USP50: variants seen among roughly 807,000 people sequenced by gnomAD.
The protein encoded by USP50 is ubiquitin carboxyl-terminal hydrolase 50.
USP50 carries 37 observed loss-of-function variants against 39.2 expected under a neutral mutation model. The ratio of observed to expected loss-of-function variants is 0.94; its 90% CI spans 0.73 to 1.24. The LOEUF is 1.24. Among genes scored for constraint, USP50 ranks in the 50% most tolerant of loss-of-function variants. The probability of loss-of-function intolerance (pLI) is 0.00; values close to 1 mark genes in which losing one functional copy is unlikely to be tolerated. For synonymous variants in USP50, 139 were observed against 144.5 expected, an observed-to-expected ratio of 0.96 and a Z score of 0.27; for missense variants, 374 against 398.2, an observed-to-expected ratio of 0.94 and a Z score of 0.52.
At chr15:50,497,188 G>A, downstream of USP50, 1 of 1,611,030 alleles carries the variant, frequency 6.2e-7, no homozygotes, top group Non-Finnish European at 8.5e-7. Context: ...AAAAAAGATA[G>A]AAATCTGGAA....
chr15:50,540,018 G>A (rs2053016059), intron 4 of USP50, among the ~76,000 whole-genome samples: 1 of 152,184 alleles, frequency 6.6e-6, no homozygotes. Context: ...TTTGAGCTGA[G>A]AAACAAAGCC....
chr15:50,526,293 C>T (rs2052898167), intron 6 of USP50, among the ~76,000 whole-genome samples: 2 of 152,162 alleles, frequency 1.3e-5, no homozygotes, highest in South Asian at 4.1e-4. Context: ...CTCTTGAGCT[C>T]AAGCAATCCT....
chr15:50,529,535 C>A (rs1358462531), intron 6 of USP50, among the ~76,000 whole-genome samples: 1 of 152,078 alleles, frequency 6.6e-6, no homozygotes, highest in Admixed American at 6.6e-5. Flanking sequence ...GCTGCTGCTG[C>A]TTCTAGGAGC....
chr15:50,546,219 T>C (rs1057054361), intron 1 of USP50, among the ~76,000 whole-genome samples: 1 of 152,150 alleles, frequency 6.6e-6, no homozygotes. Flanking sequence ...GTTTGAAAAG[T>C]GTTCACTGTT....
At chr15:50,531,126 G>A (rs974313391) in intron 5 of USP50, among the ~76,000 whole-genome samples, 9 of 151,986 alleles carry the variant, frequency 5.9e-5, no homozygotes, top group Admixed American at 1.3e-4. Context: ...AAATTACCGC[G>A]ACTGAGACAT....
At chr15:50,546,338 C>A in intron 1 of USP50, 135 bp downstream of exon 1, 1 of 847,124 alleles carries the variant, frequency 1.2e-6, no homozygotes, top group Non-Finnish European at 1.9e-6. Context: ...TACAATCTTC[C>A]TTCCTTTCCG....
chr15:50,526,578 T>C (rs1404429151), intron 6 of USP50, among the ~76,000 whole-genome samples: 3 of 152,248 alleles, frequency 2.0e-5, no homozygotes, highest in African/African-American at 7.2e-5. Context: ...TGCTAATGCA[T>C]ATGTACAAGC....
At chr15:50,528,568 G>A (rs887811095) in intron 6 of USP50, among the ~76,000 whole-genome samples, 7 of 152,138 alleles carry the variant, frequency 4.6e-5, no homozygotes, top group African/African-American at 1.7e-4. Flanking sequence ...CACTGTTCGG[G>A]AATCTACATT....
chr15:50,497,312 C>G, downstream of USP50: 1 of 1,495,492 alleles, frequency 6.7e-7, no homozygotes, highest in Non-Finnish European at 8.9e-7. Context: ...ACTTGTTGTA[C>G]TGCCTGCCAT....
chr15:50,544,559 G>T, intron 2 of USP50, 28 bp downstream of exon 2: 3 of 1,594,604 alleles, frequency 1.9e-6, no homozygotes, highest in Non-Finnish European at 2.6e-6. Flanking sequence ...GGTGGGGGCT[G>T]GGCTGCAGGG....
intron 3 of USP50, 50 bp downstream of exon 3, chr15:50,543,548 C>T (rs1166388695): frequency 6.6e-7 from 1 of 1,525,866 alleles, no homozygotes; most frequent in Non-Finnish European, 9.0e-7. Flanking sequence ...ATGGAAGCTG[C>T]TGATAAAGGT....
At chr15:50,496,900 A>T (rs1566893730), downstream of USP50, 2 of 648,698 alleles carry the variant, frequency 3.1e-6, no homozygotes, top group South Asian at 2.4e-5. Context: ...CACTCACCAC[A>T]CTCTGTGCTG....
rs60459520 is a variant in USP50, at chr15:50,532,679, G to C, written c.804-2750C>G. 1.5e-3 allele frequency among the ~76,000 whole-genome samples: 223 copies of C among 152,188 alleles called. 2 individuals carry two copies. The highest frequency in any genetic ancestry group is 5.0e-3 in the African/African-American group (208 of 41,532). Reference sequence around the variant, plus strand: ...CAGAACCAGATAGCGCAGGGGTGTGGGAATTTTCAGACTAAGAATTTAAAA... The same window carrying C: ...CAGAACCAGATAGCGCAGGGGTGTGCGAATTTTCAGACTAAGAATTTAAAA... On this transcript the variant is annotated intron_variant, in intron 5 of 6. Transcript: ENST00000532404.
intron 1 of USP50, chr15:50,494,328 C>T (rs367980833): frequency 1.5e-5 from 23 of 1,490,744 alleles, no homozygotes; most frequent in Admixed American, 2.3e-5. Context: ...TAGGGTTGCT[C>T]AGTAGCACTG....
intron 3 of USP50, 49 bp downstream of exon 3, chr15:50,543,549 T>A (rs749031308): frequency 2.0e-6 from 3 of 1,531,746 alleles, no homozygotes; most frequent in East Asian, 4.6e-5. Context: ...TGGAAGCTGC[T>A]GATAAAGGTT....
intron 5 of USP50, among the ~76,000 whole-genome samples, chr15:50,534,228 T>C (rs2052963205): frequency 6.6e-6 from 1 of 152,204 alleles, no homozygotes; most frequent in Admixed American, 6.5e-5. Context: ...TCTTTATATA[T>C]AAGTGAAATG....
chr15:50,500,668 A>G lies in USP50; in HGVS notation c.*101T>C, dbSNP rs546764284. ...TTTTCCTGGCTCTTAACGCTTTTGTATTGGTATGGAAAAGGGCTGGCAGCT... is the reference window on the plus strand; with the variant it reads ...TTTTCCTGGCTCTTAACGCTTTTGTGTTGGTATGGAAAAGGGCTGGCAGCT... On this transcript the variant is annotated 3_prime_UTR_variant, in exon 7 of 7. Coordinates refer to ENST00000532404, the MANE Select transcript of USP50 (RefSeq NM_203494.5). 7.8e-6 allele frequency: 9 copies of G among 1,147,690 alleles called. No individual in the cohort carries two copies. The South Asian group carries it at 1.2e-4, about 15-fold the overall frequency. The allele number at this position is 1,147,690 out of a possible 1,614,324, so 71.1% of individuals were successfully genotyped here.
intron 4 of USP50, among the ~76,000 whole-genome samples, chr15:50,539,423 A>C (rs1407669110): frequency 8.1e-5 from 8 of 98,754 alleles, no homozygotes; most frequent in Non-Finnish European, 1.5e-4. Context: ...CTGATTTTGC[A>C]ATTTTTTTTT....
At chr15:50,493,593 A>AAAT (rs2052261957), downstream of USP50, 1 of 461,242 alleles carries the variant, frequency 2.2e-6, no homozygotes, top group Non-Finnish European at 4.3e-6. Flanking sequence ...GTCTCTACAA[A>AAAT]AATTAGCTAG....
Sources: allele counts gnomAD v4.1 joint callset (sites outside exome capture counted in the v4.1 genomes callset), GRCh38; gene constraint gnomAD v4.1.1; transcripts MANE v1.5; gene names NCBI Gene and HGNC (gene_info 2026-07-23, HGNC 2026-07-21).